Variants in TNFSF4 observed in about 807,000 individuals in gnomAD.
TNFSF4 encodes TNF superfamily member 4.
A neutral mutation model predicts 7.3 loss-of-function variants in TNFSF4; 4 were observed. The observed-to-expected ratio is 0.55, with a 90% CI of 0.27 to 1.25. The LOEUF (loss-of-function observed/expected upper bound fraction) is 1.25, where lower values mean the gene tolerates loss of function less well. Ranked by LOEUF, TNFSF4 falls within the 50% of genes most tolerant of loss-of-function variation. TNFSF4 has a pLI of 0.12. For synonymous variants in TNFSF4, 76 were observed against 83.7 expected, an observed-to-expected ratio of 0.91 and a Z score of 0.50; for missense variants, 181 against 208.8, an observed-to-expected ratio of 0.87 and a Z score of 0.82.
intron 1 of TNFSF4, among the ~76,000 whole-genome samples, chr1:173,198,465 G>A (rs1183133297): frequency 6.6e-6 from 1 of 152,160 alleles, no homozygotes; most frequent in Non-Finnish European, 1.5e-5. Context: ...AAAGCAGCAG[G>A]CCTCTTTTTC....
At chr1:173,309,956 T>G in the TNFSF4 span, among the ~76,000 whole-genome samples, 16 of 152,026 alleles carry the variant, frequency 1.1e-4, no homozygotes, top group South Asian at 4.1e-4. Flanking sequence ...TTTAATGTAT[T>G]GATAAAAAAT....
chr1:173,364,247 T>G, the TNFSF4 span, among the ~76,000 whole-genome samples: 1 of 97,364 alleles, frequency 1.0e-5, no homozygotes, highest in Non-Finnish European at 2.2e-5. Context: ...ATATATGTAC[T>G]GATGTGGAAT....
chr1:173,189,109 T>C (rs536094343), intron 1 of TNFSF4, among the ~76,000 whole-genome samples: 12 of 152,214 alleles, frequency 7.9e-5, no homozygotes, highest in East Asian at 3.8e-4. Context: ...ATTAGGACTA[T>C]TGTGCTCCTT....
At chr1:173,390,750 C>T in the TNFSF4 span, among the ~76,000 whole-genome samples, 2,002 of 126,324 alleles carry the variant, frequency 0.016, 5 homozygotes, top group African/African-American at 0.022. Context: ...TTTTTTTTTT[C>T]TTTTTTTTTT....
At chr1:173,355,271 C>T in the TNFSF4 span, among the ~76,000 whole-genome samples, 1 of 152,196 alleles carries the variant, frequency 6.6e-6, no homozygotes, top group Non-Finnish European at 1.5e-5. Context: ...ATCCGAAGGA[C>T]TCTAATTTAA....
the TNFSF4 span, among the ~76,000 whole-genome samples, chr1:173,409,025 A>T: frequency 6.6e-6 from 1 of 152,244 alleles, no homozygotes. Flanking sequence ...ATCACCATTA[A>T]TAAGACAAAC....
At chr1:173,244,837 G>C in the TNFSF4 span, among the ~76,000 whole-genome samples, 1 of 151,992 alleles carries the variant, frequency 6.6e-6, no homozygotes, top group Non-Finnish European at 1.5e-5. Context: ...GTGTGCTTGT[G>C]CATGTTTGTG....
At chr1:173,362,478 T>C in the TNFSF4 span, 1 of 534,250 alleles carries the variant, frequency 1.9e-6, no homozygotes, top group Non-Finnish European at 3.7e-6. Context: ...CTACCTTCTG[T>C]TTCTCCAGCT....
chr1:173,340,513 C>A, the TNFSF4 span, among the ~76,000 whole-genome samples: 1 of 152,034 alleles, frequency 6.6e-6, no homozygotes, highest in Admixed American at 6.6e-5. Flanking sequence ...AAAGGTTAAG[C>A]AATTTAATGG....
the TNFSF4 span, among the ~76,000 whole-genome samples, chr1:173,433,213 C>T: frequency 1.2e-4 from 18 of 152,254 alleles, no homozygotes; most frequent in Middle Eastern, 3.4e-3. Context: ...CCTCGTATTA[C>T]GCTGCCCTTT....
chr1:173,234,347 G>A, the TNFSF4 span, among the ~76,000 whole-genome samples: 1 of 152,208 alleles, frequency 6.6e-6, no homozygotes, highest in Admixed American at 6.5e-5. Flanking sequence ...TACACTGTTG[G>A]TGGGACTGTA....
the TNFSF4 span, among the ~76,000 whole-genome samples, chr1:173,417,442 G>T: frequency 6.6e-6 from 1 of 152,228 alleles, no homozygotes; most frequent in Admixed American, 6.5e-5. Flanking sequence ...CTTACAGCTA[G>T]ACCTATAATT....
the TNFSF4 span, among the ~76,000 whole-genome samples, chr1:173,229,593 A>T: frequency 6.6e-6 from 1 of 152,234 alleles, no homozygotes; most frequent in East Asian, 1.9e-4. Context: ...TATTAACCTT[A>T]AATGTAAATG....
the TNFSF4 span, among the ~76,000 whole-genome samples, chr1:173,423,639 T>C: frequency 6.6e-6 from 1 of 152,212 alleles, no homozygotes; most frequent in African/African-American, 2.4e-5. Flanking sequence ...AGCTGTGAAC[T>C]GGTGGAAGCA....
the TNFSF4 span, among the ~76,000 whole-genome samples, chr1:173,219,669 TAC>T: frequency 0.22 from 32,703 of 146,112 alleles, 6,536 homozygotes; most frequent in African/African-American, 0.54. Flanking sequence ...GAAATTGTGA[TAC>T]ACACACACAC....
chr1:173,384,898 C>T, the TNFSF4 span, among the ~76,000 whole-genome samples: 4 of 152,114 alleles, frequency 2.6e-5, no homozygotes, highest in South Asian at 2.1e-4. Context: ...TACTCTGTTG[C>T]CTTATATCCC....
chr1:173,185,659 G>A lies in TNFSF4; in HGVS notation c.*857C>T, dbSNP rs917111741. ...GGCAAAGAATGTGTTTTCCTCCCCA[G>A]GCTATTAAAATCCGTACTGACTTTT... On this transcript the variant is annotated 3_prime_UTR_variant, in exon 3 of 3. Coordinates refer to ENST00000281834, the MANE Select transcript of TNFSF4 (RefSeq NM_003326.5). 1 of 152,144 alleles carries A rather than the reference G, an allele frequency of 6.6e-6. No homozygotes were observed. Among genetic ancestry groups the A allele is most frequent in the East Asian group, 1.9e-4 (1 of 5,200 alleles). The allele number at this position is 152,144 out of a possible 1,614,324, so 9.4% of individuals were successfully genotyped here. A position where few individuals can be genotyped will look rare whatever the true frequency, so the allele number is the denominator to read the frequency against.
the TNFSF4 span, among the ~76,000 whole-genome samples, chr1:173,442,405 CCT>C: frequency 2.6e-5 from 4 of 152,108 alleles, no homozygotes; most frequent in Middle Eastern, 3.2e-3. Context: ...AAATGCAACA[CCT>C]CTCCCACATA....
At chr1:173,293,773 A>T in the TNFSF4 span, among the ~76,000 whole-genome samples, 1 of 152,124 alleles carries the variant, frequency 6.6e-6, no homozygotes, top group Non-Finnish European at 1.5e-5. Flanking sequence ...TCAAGCAGAA[A>T]AACAAATAAC....
Sources: gnomAD v4.1 joint callset for allele counts (sites outside exome capture counted in the v4.1 genomes callset) on GRCh38, gnomAD v4.1.1 for gene constraint, MANE v1.5 for transcripts, NCBI Gene and HGNC (gene_info 2026-07-23, HGNC 2026-07-21) for gene names.